Variants in FLNB observed in about 807,000 individuals in gnomAD.
FLNB encodes the protein filamin-B.
In FLNB, 111 loss-of-function variants were observed where a neutral mutation model predicts 250.6. The ratio of observed to expected loss-of-function variants is 0.44; its 90% CI spans 0.38 to 0.52. The LOEUF is 0.52. Ranked by LOEUF, FLNB falls within the 20% of genes least tolerant of loss-of-function variation. The probability of loss-of-function intolerance (pLI) is 0.00; values close to 1 mark genes in which losing one functional copy is unlikely to be tolerated. For missense variants in FLNB, 2,869 were observed against 3,447.8 expected (o/e 0.83, Z 4.20); for synonymous variants, 1,302 against 1,372.1 (o/e 0.95, Z 1.13).
chr3:58,031,543 CTTTTTTT>C (rs764190111), intron 1 of FLNB, among the ~76,000 whole-genome samples: 8 of 77,152 alleles, frequency 1.0e-4, no homozygotes, highest in African/African-American at 4.0e-4. Context: ...CGTGCCCTGC[CTTTTTTT>C]TTTTTTTTTT....
chr3:58,116,221 G>A (rs1443417567), intron 18 of FLNB, among the ~76,000 whole-genome samples: 1 of 152,226 alleles, frequency 6.6e-6, no homozygotes, highest in African/African-American at 2.4e-5. Flanking sequence ...GCCCTTGGAT[G>A]TGGTTAAGAG....
chr3:58,038,132 C>T lies in FLNB; in HGVS notation c.292+29276C>T, dbSNP rs544793843. 1.3e-4 allele frequency among the ~76,000 whole-genome samples: 20 copies of T among 152,116 alleles called. No homozygotes were observed. In the South Asian group the frequency reaches 2.3e-3, roughly 17 times the overall value. On this transcript the variant is annotated intron_variant, in intron 1 of 45. Transcript: ENST00000295956. The stretch of plus-strand genomic sequence containing the variant: ...GCAGCATTTGCCTCCTGTGTTCAAG[C>T]GATTCTCCTGCCTCAGCCTCCCGAG...
intron 1 of FLNB, among the ~76,000 whole-genome samples, chr3:58,014,720 C>A (rs773097524): frequency 1.3e-5 from 2 of 152,018 alleles, no homozygotes. Context: ...GTGCCAGTCA[C>A]CTTGCGTTTT....
intron 29 of FLNB, among the ~76,000 whole-genome samples, chr3:58,139,775 A>G (rs1285130163): frequency 6.6e-6 from 1 of 152,116 alleles, no homozygotes; most frequent in Non-Finnish European, 1.5e-5. Context: ...AGTGGGTTTT[A>G]TCTGGTTGGT....
rs751959982 is a variant in FLNB, at chr3:58,153,422, C to T, written c.6415C>T (p.Arg2139Cys). ...MSAHVTSPSG[R>C]VTEAEIVPMG... is the part of the protein sequence containing the mutation. ...GGCCCACGTCACCAGCCCCTCTGGCCGTGTGACTGAGGCAGAGATTGTGCC... is the reference window on the plus strand; with the variant it reads ...GGCCCACGTCACCAGCCCCTCTGGCTGTGTGACTGAGGCAGAGATTGTGCC... The change falls in exon 39 of 46, where the codon CGT (arginine) becomes TGT (cysteine). Residue 2139 changes from arginine to cysteine, a missense_variant. By Grantham distance (180) the Arg-to-Cys change is radical. Around this residue, in one of 5 missense-constraint regions of FLNB, gnomAD observed 1,084 missense variants for 1,315.5 expected, o/e 0.82. Coordinates refer to ENST00000295956, the MANE Select transcript of FLNB (RefSeq NM_001457.4). 19 of 1,614,124 alleles carry T rather than the reference C, an allele frequency of 1.2e-5. No homozygotes were observed. The highest frequency in any genetic ancestry group is 8.9e-5 in the East Asian group (4 of 44,900).
intron 8 of FLNB, among the ~76,000 whole-genome samples, chr3:58,100,386 T>A (rs368098750): frequency 6.0e-5 from 2 of 33,590 alleles, no homozygotes; most frequent in African/African-American, 1.5e-4. Flanking sequence ...ATATATATAT[T>A]TGCAGGGGCG....
intron 43 of FLNB, 59 bp from the exon 44 acceptor site, chr3:58,168,379 CAG>C: frequency 7.7e-7 from 1 of 1,305,836 alleles, no homozygotes; most frequent in Non-Finnish European, 1.1e-6. Flanking sequence ...ACCACGGCCT[CAG>C]TGCTCCCAGG....
At chr3:58,109,072 G>T (rs574647022) in intron 13 of FLNB, 107 bp from the exon 14 acceptor site, 1 of 1,357,654 alleles carries the variant, frequency 7.4e-7, no homozygotes, top group South Asian at 1.2e-5. Flanking sequence ...ATGAAGTTTT[G>T]TTGTATAAGC....
chr3:58,046,348 C>G (rs1382679246), intron 1 of FLNB, among the ~76,000 whole-genome samples: 3 of 152,112 alleles, frequency 2.0e-5, no homozygotes, highest in Non-Finnish European at 4.4e-5. Context: ...CCAAAACCAG[C>G]TTTACTGAGA....
intron 4 of FLNB, among the ~76,000 whole-genome samples, chr3:58,091,977 A>G (rs979396617): frequency 9.8e-5 from 15 of 152,340 alleles, no homozygotes; most frequent in Middle Eastern, 3.4e-3. Flanking sequence ...TTTGCAAACC[A>G]TATGTCCAAC....
At chr3:58,019,440 A>G (rs1469854740) in intron 1 of FLNB, among the ~76,000 whole-genome samples, 4 of 152,130 alleles carry the variant, frequency 2.6e-5, no homozygotes, top group Admixed American at 1.3e-4. Context: ...ACTCTTTAAT[A>G]GTTTAAATTT....
intron 3 of FLNB, among the ~76,000 whole-genome samples, chr3:58,079,292 G>A (rs903725420): frequency 4.1e-5 from 6 of 147,012 alleles, no homozygotes; most frequent in South Asian, 4.3e-4. Flanking sequence ...TCGCTTTGTC[G>A]CCCAGGCTGG....
intron 1 of FLNB, among the ~76,000 whole-genome samples, chr3:58,013,885 T>C (rs936767549): frequency 5.3e-5 from 8 of 152,202 alleles, no homozygotes; most frequent in Non-Finnish European, 7.3e-5. Context: ...GTGGGCCATG[T>C]ACAAGGTGGC....
Position 58,096,104 on chromosome 3 carries a change from G to A in FLNB, c.907-37G>A, listed in dbSNP as rs769829306. The A allele has an allele frequency of 5.2e-6, 8 of 1,530,886 alleles. No homozygotes were observed. In the East Asian group the frequency reaches 9.1e-5, roughly 17 times the overall value. 94.8% of individuals were successfully genotyped at this position (1,530,886 alleles called of 1,614,324 possible). On this transcript the variant is annotated intron_variant, in intron 5 of 45. Transcript: ENST00000295956. ...CACAGCATGCTCCTTACTCACACCC[G>A]GCACCTTTTCTAACTGTTGCCCACC...
At chr3:58,079,614 A>G (rs1376867459) in intron 3 of FLNB, among the ~76,000 whole-genome samples, 1 of 152,222 alleles carries the variant, frequency 6.6e-6, no homozygotes, top group Non-Finnish European at 1.5e-5. Flanking sequence ...CTGTGGAAGA[A>G]TCTCTATCAC....
At chr3:58,152,698 C>T (rs1342402042) in intron 38 of FLNB, 16 of 1,283,680 alleles carry the variant, frequency 1.2e-5, no homozygotes, top group Non-Finnish European at 1.6e-5. Context: ...CTTCCCTTTT[C>T]TGTCCTCAGG....
At chr3:58,036,131 C>T (rs1213077400) in intron 1 of FLNB, among the ~76,000 whole-genome samples, 1 of 152,144 alleles carries the variant, frequency 6.6e-6, no homozygotes, top group Non-Finnish European at 1.5e-5. Context: ...ATGAGAAGGA[C>T]GTGGACTCAG....
chr3:58,039,052 A>G (rs1225234923), intron 1 of FLNB, among the ~76,000 whole-genome samples: 3 of 150,432 alleles, frequency 2.0e-5, no homozygotes, highest in East Asian at 3.9e-4. Flanking sequence ...AAAAAAGACA[A>G]GATCTCGCTC....
intron 7 of FLNB, 121 bp downstream of exon 7, chr3:58,098,098 A>G: frequency 2.7e-6 from 3 of 1,110,046 alleles, no homozygotes; most frequent in Non-Finnish European, 4.0e-6. Context: ...AATCACAAAG[A>G]CAATTTTTTC....
Sources: gnomAD v4.1 joint callset for allele counts (sites outside exome capture counted in the v4.1 genomes callset) on GRCh38, gnomAD v4.1.1 for gene constraint, gnomAD v4.1.1 regional missense constraint, MANE v1.5 for transcripts, NCBI Gene and HGNC (gene_info 2026-07-23, HGNC 2026-07-21) for gene names.